Variants in GRM7 observed in about 807,000 individuals in gnomAD.
GRM7 encodes the protein metabotropic glutamate receptor 7.
Under a neutral mutation model 84.5 loss-of-function variants are expected in GRM7, and 35 were observed. The ratio of observed to expected loss-of-function variants is 0.41; its 90% CI spans 0.32 to 0.55. The LOEUF (loss-of-function observed/expected upper bound fraction) is 0.55. GRM7 is among the 20% of genes least tolerant of loss of function. GRM7 has a pLI of 0.19. For missense variants in GRM7, 1,003 were observed against 1,194.6 expected, an observed-to-expected ratio of 0.84 and a Z score of 2.36; for synonymous variants, 487 against 455.1, an observed-to-expected ratio of 1.07 and a Z score of -0.89.
At chr3:7,706,309 A>C (rs140168447) in intron 9 of GRM7, among the ~76,000 whole-genome samples, 3 of 152,308 alleles carry the variant, frequency 2.0e-5, no homozygotes, top group African/African-American at 7.2e-5. Flanking sequence ...ATCTTTACAA[A>C]GATATCTCTA....
intron 9 of GRM7, among the ~76,000 whole-genome samples, chr3:7,731,029 C>T (rs1046422655): frequency 1.3e-5 from 2 of 151,548 alleles, no homozygotes; most frequent in African/African-American, 2.4e-5. Context: ...TTAAGAACGA[C>T]GTAAACCTCT....
At chr3:7,056,786 G>C (rs1697240775) in intron 1 of GRM7, among the ~76,000 whole-genome samples, 6 of 151,880 alleles carry the variant, frequency 4.0e-5, no homozygotes, top group Non-Finnish European at 1.5e-5. Context: ...ATAACAGAGA[G>C]AAAAACCTTG....
At chr3:6,914,879 A>G (rs1696890137) in intron 1 of GRM7, among the ~76,000 whole-genome samples, 2 of 152,148 alleles carry the variant, frequency 1.3e-5, no homozygotes, top group Non-Finnish European at 1.5e-5. Flanking sequence ...CCCCATCTCT[A>G]TTCAAGACCA....
chr3:7,474,126 T>C (rs1311695766), intron 7 of GRM7, among the ~76,000 whole-genome samples: 1 of 152,190 alleles, frequency 6.6e-6, no homozygotes, highest in African/African-American at 2.4e-5. Flanking sequence ...AATTTATCTG[T>C]CTTTTGTACT....
intron 9 of GRM7, among the ~76,000 whole-genome samples, chr3:7,714,763 G>T (rs549496396): frequency 9.2e-5 from 14 of 152,246 alleles, no homozygotes; most frequent in Non-Finnish European, 8.8e-5. Flanking sequence ...GAACAGTTTG[G>T]GTCCTGTAAC....
intron 1 of GRM7, among the ~76,000 whole-genome samples, chr3:7,108,528 C>G (rs1442863760): frequency 7.1e-6 from 1 of 140,004 alleles, no homozygotes; most frequent in African/African-American, 2.7e-5. Flanking sequence ...CTCTTTGATT[C>G]TTGCCCTCTT....
At chr3:7,116,328 A>T (rs1227061554) in intron 1 of GRM7, among the ~76,000 whole-genome samples, 1 of 152,154 alleles carries the variant, frequency 6.6e-6, no homozygotes, top group Non-Finnish European at 1.5e-5. Flanking sequence ...ATCCAAGTTC[A>T]TTATTTCCAA....
intron 8 of GRM7, among the ~76,000 whole-genome samples, chr3:7,660,509 T>G (rs1346335065): frequency 1.3e-5 from 2 of 152,224 alleles, no homozygotes; most frequent in Non-Finnish European, 2.9e-5. Context: ...AAAGTAGACC[T>G]AAATAAATAG....
intron 9 of GRM7, among the ~76,000 whole-genome samples, chr3:7,708,179 G>A (rs1701455363): frequency 6.6e-6 from 1 of 150,984 alleles, no homozygotes; most frequent in African/African-American, 2.4e-5. Flanking sequence ...ACACCATCTA[G>A]CTAGGTTTTG....
At chr3:7,438,910 A>T (rs1408037182) in intron 5 of GRM7, among the ~76,000 whole-genome samples, 2 of 152,182 alleles carry the variant, frequency 1.3e-5, no homozygotes, top group Non-Finnish European at 2.9e-5. Context: ...GTTTAATTGT[A>T]GACATGTTGA....
chr3:7,460,491 A>G (rs1220188104), intron 6 of GRM7, among the ~76,000 whole-genome samples: 2 of 152,146 alleles, frequency 1.3e-5, no homozygotes, highest in Non-Finnish European at 2.9e-5. Flanking sequence ...ATTTGGGTCA[A>G]TGGCTGAATC....
chr3:7,050,357 AT>A (rs559749993), intron 1 of GRM7, among the ~76,000 whole-genome samples: 24 of 151,736 alleles, frequency 1.6e-4, no homozygotes, highest in African/African-American at 4.8e-4. Context: ...TAAGAATCTC[AT>A]TTTGCATGTG....
intron 7 of GRM7, among the ~76,000 whole-genome samples, chr3:7,569,089 A>T (rs910280329): frequency 6.6e-6 from 1 of 152,048 alleles, no homozygotes; most frequent in Admixed American, 6.5e-5. Flanking sequence ...GAGAACCTTT[A>T]TGTCTAGCTA....
intron 1 of GRM7, among the ~76,000 whole-genome samples, chr3:6,887,191 A>AC (rs1553581551): frequency 1.4e-5 from 2 of 144,298 alleles, no homozygotes; most frequent in East Asian, 4.0e-4. Flanking sequence ...GACTCTCTTT[A>AC]TTTTTTTTTT....
chr3:7,643,037 G>A (rs1396135904), intron 8 of GRM7, among the ~76,000 whole-genome samples: 1 of 152,102 alleles, frequency 6.6e-6, no homozygotes, highest in Non-Finnish European at 1.5e-5. Flanking sequence ...CCTTAAGACG[G>A]GGCTTTTTGC....
At chr3:7,365,664 T>TAC (rs1416306544) in intron 4 of GRM7, among the ~76,000 whole-genome samples, 12 of 144,616 alleles carry the variant, frequency 8.3e-5, no homozygotes, top group Admixed American at 2.8e-4. Context: ...TATATATATA[T>TAC]ACACACACGC....
intron 1 of GRM7, among the ~76,000 whole-genome samples, chr3:6,891,458 T>C (rs543960381): frequency 7.2e-5 from 11 of 152,190 alleles, no homozygotes; most frequent in Non-Finnish European, 1.5e-4. Flanking sequence ...CATTTGCTTG[T>C]CTGTAAAGTA....
At chr3:7,168,281 G>T (rs1694871229) in intron 2 of GRM7, among the ~76,000 whole-genome samples, 1 of 152,128 alleles carries the variant, frequency 6.6e-6, no homozygotes, top group Non-Finnish European at 1.5e-5. Context: ...CATTGTTGAG[G>T]TTCTTCATGC....
chr3:7,526,161 G>T (rs1700799239), intron 7 of GRM7, among the ~76,000 whole-genome samples: 1 of 152,062 alleles, frequency 6.6e-6, no homozygotes, highest in African/African-American at 2.4e-5. Context: ...CATGCCAACA[G>T]TGTATAAGTG....
Sources: allele counts gnomAD v4.1 joint callset (sites outside exome capture counted in the v4.1 genomes callset), GRCh38; gene constraint gnomAD v4.1.1; transcripts MANE v1.5; gene names NCBI Gene and HGNC (gene_info 2026-07-23, HGNC 2026-07-21).